The following MED30 variants were observed in gnomAD, a reference collection of about 807,000 sequenced individuals.
MED30 encodes mediator complex subunit 30.
In MED30, 8 loss-of-function variants were observed where a neutral mutation model predicts 21.7. The ratio of observed to expected loss-of-function variants is 0.37; its 90% CI spans 0.22 to 0.67. The LOEUF (loss-of-function observed/expected upper bound fraction) is 0.67. Ranked by LOEUF, MED30 falls within the 30% of genes least tolerant of loss-of-function variation. The pLI is 0.58. For missense variants in MED30, 203 were observed against 228.2 expected (o/e 0.89, Z 0.71); for synonymous variants, 79 against 86.7 (o/e 0.91, Z 0.49).
chr8:117,527,840 G>A (rs1450123902), intron 1 of MED30, among the ~76,000 whole-genome samples: 1 of 151,586 alleles, frequency 6.6e-6, no homozygotes, highest in Non-Finnish European at 1.5e-5. Flanking sequence ...ATCAGATTGT[G>A]GGAATAAAAT....
chr8:117,535,390 G>A (rs1422166088), intron 3 of MED30, among the ~76,000 whole-genome samples: 4 of 151,574 alleles, frequency 2.6e-5, no homozygotes, highest in South Asian at 2.1e-4. Context: ...CACCATGCCC[G>A]GCTAATTTTT....
At chr8:117,536,781 C>G (rs1818885043) in intron 3 of MED30, among the ~76,000 whole-genome samples, 1 of 152,206 alleles carries the variant, frequency 6.6e-6, no homozygotes, top group Non-Finnish European at 1.5e-5. Context: ...AGGATGGACA[C>G]TTGTTTGAGA....
At position 117,525,178 on chromosome 8, in the gene MED30, C is replaced by A. The variant is rs140974121; in HGVS notation, c.178-3473C>A. Among the ~76,000 whole-genome samples, 291 of 152,274 alleles carry A rather than the reference C, an allele frequency of 1.9e-3. 1 individual carries two copies. The highest frequency in any genetic ancestry group is 6.6e-3 in the African/African-American group (275 of 41,560). On this transcript the variant is annotated intron_variant, in intron 1 of 3. Transcript: ENST00000297347. ...TTTATGCTACGGCCTAAGACCAGCACAGTGAGTTATAGCTTTTTTGGATCT... is the reference window on the plus strand; with the variant it reads ...TTTATGCTACGGCCTAAGACCAGCAAAGTGAGTTATAGCTTTTTTGGATCT...
intron 1 of MED30, among the ~76,000 whole-genome samples, chr8:117,524,441 C>T (rs1818689301): frequency 6.6e-6 from 1 of 152,166 alleles, no homozygotes; most frequent in Non-Finnish European, 1.5e-5. Context: ...ACTTGAGAGT[C>T]TGATGAAAAC....
intron 3 of MED30, among the ~76,000 whole-genome samples, chr8:117,537,135 A>G (rs906489034): frequency 1.3e-5 from 2 of 152,238 alleles, no homozygotes; most frequent in Non-Finnish European, 2.9e-5. Flanking sequence ...CAAGGTTGGC[A>G]TTGAGTCCAT....
intron 1 of MED30, chr8:117,523,587 C>A: frequency 1.9e-6 from 3 of 1,602,084 alleles, no homozygotes; most frequent in Non-Finnish European, 1.7e-6. Context: ...ACTGTTCCTT[C>A]ACGTAGCCTC....
intron 1 of MED30, among the ~76,000 whole-genome samples, chr8:117,525,266 T>A (rs1818701111): frequency 6.6e-6 from 1 of 152,116 alleles, no homozygotes; most frequent in East Asian, 1.9e-4. Context: ...AGTTTGAACA[T>A]CTCTTAAAAT....
chr8:117,534,430 A>G (rs953134508), intron 3 of MED30, among the ~76,000 whole-genome samples: 1 of 152,136 alleles, frequency 6.6e-6, no homozygotes, highest in Non-Finnish European at 1.5e-5. Flanking sequence ...TACTTCTGAC[A>G]TTGAGATCTC....
At chr8:117,523,734 C>T (rs751395099) in intron 1 of MED30, 19 of 1,389,692 alleles carry the variant, frequency 1.4e-5, no homozygotes, top group Non-Finnish European at 1.8e-5. Flanking sequence ...ATAGGCTAGG[C>T]GCGGTGGCTC....
At chr8:117,524,225 A>T (rs1241782687) in intron 1 of MED30, among the ~76,000 whole-genome samples, 1 of 152,230 alleles carries the variant, frequency 6.6e-6, no homozygotes, top group Non-Finnish European at 1.5e-5. Context: ...TTCCAAAAAA[A>T]CTAGAAGAGG....
intron 3 of MED30, among the ~76,000 whole-genome samples, chr8:117,534,616 TA>T (rs1455780508): frequency 6.6e-6 from 1 of 152,180 alleles, no homozygotes; most frequent in Non-Finnish European, 1.5e-5. Flanking sequence ...AATTGCTTTT[TA>T]AAAGACAATT....
At chr8:117,533,766 G>A (rs1818825527) in intron 3 of MED30, among the ~76,000 whole-genome samples, 1 of 152,044 alleles carries the variant, frequency 6.6e-6, no homozygotes, top group Non-Finnish European at 1.5e-5. Flanking sequence ...GGTCTTATAG[G>A]TCTGGATGGA....
In MED30 at chr8:117,539,901, C is replaced by A; in HGVS notation, c.460C>A (p.Gln154Lys). 6.2e-7 allele frequency: 1 copy of A among 1,605,138 alleles called. No homozygotes were observed. Among genetic ancestry groups the A allele is most frequent in the Non-Finnish European group, 8.5e-7 (1 of 1,175,208 alleles). The change falls in exon 4 of 4, where the codon CAA (glutamine) becomes AAA (lysine). Residue 154 changes from glutamine (Q) to lysine (K), a missense_variant. Physicochemically the swap from Gln to Lys is moderately conservative, Grantham distance 53. Transcript: ENST00000297347. ...EVNKKLKQKN[Q>K]QLKQIMDQLR... The stretch of plus-strand genomic sequence containing the variant: ...TCTACAGAAACTCAAACAGAAGAAT[C>A]AACAGCTGAAACAAATTATGGATCA...
chr8:117,534,827 A>G lies in MED30; in HGVS notation c.441+4000A>G, dbSNP rs1384789043. On this transcript the variant is annotated intron_variant, in intron 3 of 3. Coordinates refer to ENST00000297347, the MANE Select transcript of MED30 (RefSeq NM_080651.4). ...AAATAAGGAAGAAGAAAATAAAATT[A>G]ACTGCTAAAAGGCAAACAAATTGTT... Among the ~76,000 whole-genome samples, 5 of 151,006 alleles carry G rather than the reference A, an allele frequency of 3.3e-5. No homozygotes were observed. The East Asian group carries it at 9.7e-4, about 29-fold the overall frequency.
intron 3 of MED30, among the ~76,000 whole-genome samples, chr8:117,536,219 C>G (rs1380743460): frequency 1.3e-5 from 2 of 152,038 alleles, no homozygotes; most frequent in Non-Finnish European, 2.9e-5. Flanking sequence ...CCAGTGGAAA[C>G]AAAGCAGCAC....
chr8:117,524,183 T>C (rs1310522676), intron 1 of MED30: 1 of 152,592 alleles, frequency 6.6e-6, no homozygotes, highest in Non-Finnish European at 1.5e-5. Context: ...CCTATCATAA[T>C]TGGCTGAAAA....
intron 3 of MED30, among the ~76,000 whole-genome samples, chr8:117,534,233 C>T (rs1818833471): frequency 6.6e-6 from 1 of 151,934 alleles, no homozygotes; most frequent in South Asian, 2.1e-4. Flanking sequence ...CTGACCACTC[C>T]CTCTTTACTT....
At chr8:117,523,030 A>G (rs1016519225) in intron 1 of MED30, among the ~76,000 whole-genome samples, 5 of 152,162 alleles carry the variant, frequency 3.3e-5, no homozygotes, top group Non-Finnish European at 7.3e-5. Flanking sequence ...AACATCACAC[A>G]CGACTAATAG....
chr8:117,537,178 G>A (rs1387323975), intron 3 of MED30, among the ~76,000 whole-genome samples: 1 of 152,224 alleles, frequency 6.6e-6, no homozygotes, highest in Non-Finnish European at 1.5e-5. Context: ...TTTGTCAAGT[G>A]TCACAGCTTT....
Sources: allele counts gnomAD v4.1 joint callset (sites outside exome capture counted in the v4.1 genomes callset), GRCh38; gene constraint gnomAD v4.1.1; transcripts MANE v1.5; gene names NCBI Gene and HGNC (gene_info 2026-07-23, HGNC 2026-07-21).